LEPR: variants seen among roughly 807,000 people sequenced by gnomAD.
LEPR encodes leptin receptor.
A neutral mutation model predicts 114.7 loss-of-function variants in LEPR; 56 were observed. The observed-to-expected ratio is 0.49, with a 90% CI of 0.39 to 0.61. The LOEUF is 0.61. Among genes scored for constraint, LEPR ranks in the 20% least tolerant of loss-of-function variants. The pLI, the probability that LEPR is intolerant of heterozygous loss-of-function variation, is 0.00. For synonymous variants in LEPR, 443 were observed against 461.4 expected (o/e 0.96, Z 0.51); for missense variants, 1,202 against 1,352.9 (o/e 0.89, Z 1.75).
chr1:65,423,235 G>A (rs796499197), intron 1 of LEPR, among the ~76,000 whole-genome samples: 25 of 152,206 alleles, frequency 1.6e-4, no homozygotes, highest in African/African-American at 6.0e-4. Flanking sequence ...AGTTGCGGCC[G>A]GGCCCTTGTG....
At chr1:65,592,523 T>G in intron 5 of LEPR, 134 bp from the exon 6 acceptor site, 1 of 821,296 alleles carries the variant, frequency 1.2e-6, no homozygotes. Flanking sequence ...AATGTAGGGT[T>G]TTTTTTTTTC....
intron 14 of LEPR, among the ~76,000 whole-genome samples, chr1:65,610,596 C>G (rs1046418490): frequency 6.6e-6 from 1 of 152,158 alleles, no homozygotes; most frequent in African/African-American, 2.4e-5. Flanking sequence ...TAATATTGAA[C>G]TAGATGATAG....
At chr1:65,553,229 G>A (rs1296513241) in intron 2 of LEPR, among the ~76,000 whole-genome samples, 1 of 152,088 alleles carries the variant, frequency 6.6e-6, no homozygotes, top group East Asian at 1.9e-4. Flanking sequence ...TCTTTGTGGT[G>A]TTCTCGTATT....
intron 2 of LEPR, chr1:65,525,737 G>C: frequency 3.0e-6 from 3 of 986,068 alleles, no homozygotes; most frequent in Non-Finnish European, 3.6e-6. Context: ...CCCACGGCCA[G>C]CCGAGCGCGC....
chr1:65,503,869 G>A (rs10889556), intron 2 of LEPR, among the ~76,000 whole-genome samples: 101,339 of 151,588 alleles, frequency 0.67, 34,873 homozygotes, highest in Middle Eastern at 0.86. Context: ...AAGATACAAG[G>A]ATACACCTAA....
intron 5 of LEPR, among the ~76,000 whole-genome samples, chr1:65,583,784 A>G (rs1655145530): frequency 2.0e-5 from 3 of 152,156 alleles, no homozygotes; most frequent in Non-Finnish European, 2.9e-5. Context: ...AGTCAATAGA[A>G]ACAGACCCGG....
At chr1:65,453,168 C>G (rs998707293) in intron 2 of LEPR, among the ~76,000 whole-genome samples, 1 of 152,112 alleles carries the variant, frequency 6.6e-6, no homozygotes, top group African/African-American at 2.4e-5. Flanking sequence ...ATTCTTCTCT[C>G]TTTTTTTCTT....
rs1648732469 is a variant in LEPR, at chr1:65,506,416, G to T, written c.-20-59130G>T. On this transcript the variant is annotated intron_variant, in intron 2 of 19. Coordinates refer to ENST00000349533, the MANE Select transcript of LEPR (RefSeq NM_002303.6). The stretch of plus-strand genomic sequence containing the variant: ...AACACACGTATTGCATTTCACTGGA[G>T]ATCTGATGGGGGAAGGGATGGAGAA... Among the ~76,000 whole-genome samples the T allele has an allele frequency of 2.0e-5, 3 of 152,318 alleles. No individual in the cohort carries two copies. In the South Asian group the frequency reaches 6.2e-4, roughly 32 times the overall value.
chr1:65,576,987 G>T, intron 5 of LEPR: 1 of 305,734 alleles, frequency 3.3e-6, no homozygotes, highest in Non-Finnish European at 6.5e-6. Flanking sequence ...TGACTTTGTT[G>T]GTGCTGTGGC....
chr1:65,616,772 C>A (rs1184511490), intron 15 of LEPR, among the ~76,000 whole-genome samples: 2 of 151,974 alleles, frequency 1.3e-5, no homozygotes, highest in African/African-American at 4.8e-5. Flanking sequence ...AGAATTGAGA[C>A]CCACTTTCAA....
intron 2 of LEPR, among the ~76,000 whole-genome samples, chr1:65,475,109 A>G (rs1424248534): frequency 6.6e-6 from 1 of 151,924 alleles, no homozygotes; most frequent in Non-Finnish European, 1.5e-5. Flanking sequence ...CAAAAAGTAA[A>G]GAAGCCTGAG....
At chr1:65,469,399 A>T (rs766229571) in intron 2 of LEPR, among the ~76,000 whole-genome samples, 2 of 152,242 alleles carry the variant, frequency 1.3e-5, no homozygotes, top group Admixed American at 6.5e-5. Context: ...GGATGATTTG[A>T]GTAAAGAATC....
chr1:65,473,591 GAT>G (rs1647117672), intron 2 of LEPR, among the ~76,000 whole-genome samples: 1 of 152,150 alleles, frequency 6.6e-6, no homozygotes, highest in South Asian at 2.1e-4. Context: ...GATTTAGGTA[GAT>G]TTGACACCTG....
chr1:65,602,064 A>G (rs1656476399), intron 10 of LEPR, 104 bp downstream of exon 10: 1 of 1,018,752 alleles, frequency 9.8e-7, no homozygotes, highest in Non-Finnish European at 1.6e-6. Flanking sequence ...TGCTTCCTGA[A>G]AGAGGAAAGT....
At chr1:65,635,293 T>A in intron 19 of LEPR, 1 of 981,064 alleles carries the variant, frequency 1.0e-6, no homozygotes, top group Non-Finnish European at 1.2e-6. Flanking sequence ...CAACAGCTTT[T>A]TTTATTTTGC....
At chr1:65,457,258 C>A (rs1339194630) in intron 2 of LEPR, among the ~76,000 whole-genome samples, 2 of 152,262 alleles carry the variant, frequency 1.3e-5, no homozygotes, top group East Asian at 3.9e-4. Flanking sequence ...CATCTTAGAT[C>A]AGTTAAGAAT....
intron 2 of LEPR, among the ~76,000 whole-genome samples, chr1:65,454,443 G>A (rs937630226): frequency 1.5e-4 from 23 of 152,060 alleles, no homozygotes; most frequent in Non-Finnish European, 3.1e-4. Flanking sequence ...TCCATGTTTA[G>A]CGCTTTCTTC....
chr1:65,616,133 G>A lies in LEPR; in HGVS notation c.2121G>A (p.Glu707=), dbSNP rs1437534012. Residue 707 remains glutamate (E), a synonymous_variant, in exon 15 of 20, where the codon GAG becomes GAA. Transcript: ENST00000349533. ...NHTKFTFLWT[E]QAHTVTVLAI... The stretch of plus-strand genomic sequence containing the variant: ...CGAAATTCACTTTCCTGTGGACAGA[G>A]CAAGCACATACTGTTACGGTTCTGG... The A allele has an allele frequency of 6.2e-7, 1 of 1,614,066 alleles. No homozygotes were observed. The highest frequency in any genetic ancestry group is 1.3e-5 in the African/African-American group (1 of 74,940).
In LEPR at chr1:65,534,002, T is replaced by G. The variant is rs922001387; in HGVS notation, c.-20-31544T>G. ...TTTTCTGTCATTCTGCATTCAACCTTTCTATATTCTTATGTTTTAGATGTG... is the reference window on the plus strand; with the variant it reads ...TTTTCTGTCATTCTGCATTCAACCTGTCTATATTCTTATGTTTTAGATGTG... On this transcript the variant is annotated intron_variant, in intron 2 of 19. Coordinates refer to ENST00000349533, the MANE Select transcript of LEPR (RefSeq NM_002303.6). Among the ~76,000 whole-genome samples the G allele has an allele frequency of 5.3e-5, 8 of 152,154 alleles. No individual in the cohort carries two copies. The South Asian group carries it at 1.7e-3, about 32-fold the overall frequency.
Sources: gnomAD v4.1 joint callset for allele counts (sites outside exome capture counted in the v4.1 genomes callset) on GRCh38, gnomAD v4.1.1 for gene constraint, MANE v1.5 for transcripts, NCBI Gene and HGNC (gene_info 2026-07-23, HGNC 2026-07-21) for gene names.